The following FOXP2 variants were observed in gnomAD, a reference collection of about 807,000 sequenced individuals.
The protein encoded by FOXP2 is forkhead box protein P2.
Under a neutral mutation model 115.8 loss-of-function variants are expected in FOXP2, and 12 were observed. The ratio of observed to expected loss-of-function variants is 0.10; its 90% CI spans 0.07 to 0.17. The LOEUF is 0.17. Ranked by LOEUF, FOXP2 falls within the 10% of genes least tolerant of loss-of-function variation. The probability of loss-of-function intolerance (pLI) is 1.00; values close to 1 mark genes in which losing one functional copy is unlikely to be tolerated. For synonymous variants in FOXP2, 328 were observed against 297.7 expected (o/e 1.10, Z -1.05); for missense variants, 629 against 843.5 (o/e 0.75, Z 3.15).
chr7:114,641,560 T>G lies in FOXP2; in HGVS notation c.776-850T>G, dbSNP rs191815085. On this transcript the variant is annotated intron_variant, in intron 6 of 16. Transcript: ENST00000350908. ...ATTTAGTTCATCCCTCTGAGAAATATCAAAATGAACAGATAATTGTCAAAT... is the reference window on the plus strand; with the variant it reads ...ATTTAGTTCATCCCTCTGAGAAATAGCAAAATGAACAGATAATTGTCAAAT... Among the ~76,000 whole-genome samples the G allele has an allele frequency of 2.0e-3, 301 of 152,188 alleles. 4 individuals are homozygous for G. The highest frequency in any genetic ancestry group is 6.8e-3 in the African/African-American group (283 of 41,574).
chr7:114,292,108 C>T lies in FOXP2; in HGVS notation c.-11+3999C>T, dbSNP rs1025160484. ...TATGTATGTATTTTAAAATAATCAT[C>T]AGAGTGACAATACACAACCTTTGCC... On this transcript the variant is annotated intron_variant, in intron 2 of 17. Coordinates refer to the FOXP2 transcript ENST00000634411. 1.8e-4 allele frequency among the ~76,000 whole-genome samples: 27 copies of T among 150,328 alleles called. 1 individual carries two copies. Among genetic ancestry groups the T allele is most frequent in the African/African-American group, 6.6e-4 (27 of 40,894 alleles).
chr7:114,143,271 T>C (rs1465971826), intron 1 of FOXP2, among the ~76,000 whole-genome samples: 3 of 151,940 alleles, frequency 2.0e-5, no homozygotes, highest in Non-Finnish European at 4.4e-5. Context: ...CATTTTGAAA[T>C]ATACATTTTA....
At chr7:114,544,782 A>G (rs953376039) in intron 3 of FOXP2, among the ~76,000 whole-genome samples, 5 of 152,228 alleles carry the variant, frequency 3.3e-5, no homozygotes, top group African/African-American at 7.2e-5. Context: ...CCAGCATTTA[A>G]AACATATTAA....
At chr7:114,299,054 A>G (rs558838043) in intron 2 of FOXP2, among the ~76,000 whole-genome samples, 10 of 152,304 alleles carry the variant, frequency 6.6e-5, no homozygotes, top group Non-Finnish European at 1.2e-4. Flanking sequence ...ATGCATTCTG[A>G]AACTTTATTT....
intron 1 of FOXP2, among the ~76,000 whole-genome samples, chr7:114,194,567 A>G (rs1490581933): frequency 6.6e-6 from 1 of 152,066 alleles, no homozygotes; most frequent in East Asian, 1.9e-4. Flanking sequence ...CTACATGAAA[A>G]CAACAACATT....
At chr7:114,564,516 C>T (rs1340197989) in intron 3 of FOXP2, among the ~76,000 whole-genome samples, 5 of 152,118 alleles carry the variant, frequency 3.3e-5, no homozygotes, top group Non-Finnish European at 7.4e-5. Flanking sequence ...GTATTGTTAA[C>T]AGTATCTGTG....
intron 16 of FOXP2, chr7:114,667,559 A>T (rs2129344144): frequency 6.6e-6 from 1 of 152,286 alleles, no homozygotes; most frequent in South Asian, 2.1e-4. Flanking sequence ...ATAGAACAAC[A>T]CCAACCCAGA....
chr7:114,613,029 ATAACT>A (rs1803716909), intron 3 of FOXP2, among the ~76,000 whole-genome samples: 1 of 152,210 alleles, frequency 6.6e-6, no homozygotes, highest in Non-Finnish European at 1.5e-5. Flanking sequence ...ATGTTTTATA[ATAACT>A]TAAATCTGGT....
At chr7:114,514,879 C>T (rs1305853524) in intron 2 of FOXP2, among the ~76,000 whole-genome samples, 1 of 150,558 alleles carries the variant, frequency 6.6e-6, no homozygotes, top group Non-Finnish European at 1.5e-5. Flanking sequence ...CCCCCCACCC[C>T]ACAACAGTCC....
intron 2 of FOXP2, among the ~76,000 whole-genome samples, chr7:114,495,464 G>GT (rs1474765922): frequency 6.2e-5 from 3 of 48,732 alleles, no homozygotes; most frequent in Non-Finnish European, 1.4e-4. Flanking sequence ...TTTTTTCTTT[G>GT]TTTTTTCTTT....
intron 3 of FOXP2, among the ~76,000 whole-genome samples, chr7:114,539,738 G>A (rs1799565556): frequency 6.6e-6 from 1 of 151,966 alleles, no homozygotes; most frequent in Non-Finnish European, 1.5e-5. Context: ...TCCATGACCA[G>A]CTGCTCAAGG....
intron 2 of FOXP2, among the ~76,000 whole-genome samples, chr7:114,374,616 G>A (rs766654492): frequency 6.6e-6 from 1 of 152,118 alleles, no homozygotes; most frequent in Admixed American, 6.5e-5. Flanking sequence ...AGGAATTCCC[G>A]TGGCCATCTC....
intron 3 of FOXP2, among the ~76,000 whole-genome samples, chr7:114,583,126 C>G (rs1801952386): frequency 6.6e-6 from 1 of 152,096 alleles, no homozygotes; most frequent in Non-Finnish European, 1.5e-5. Context: ...ACCTGTAATC[C>G]CAGCACTTTG....
intron 2 of FOXP2, among the ~76,000 whole-genome samples, chr7:114,355,052 T>A (rs1791586265): frequency 6.6e-6 from 1 of 152,182 alleles, no homozygotes; most frequent in African/African-American, 2.4e-5. Flanking sequence ...ATATTCTAAC[T>A]TTTGTTCTGT....
chr7:114,359,734 T>A (rs954754842), intron 2 of FOXP2, among the ~76,000 whole-genome samples: 2 of 152,198 alleles, frequency 1.3e-5, no homozygotes, highest in Non-Finnish European at 2.9e-5. Context: ...AGCCCTTTTG[T>A]TTTGACCAAT....
chr7:114,678,014 G>A (rs1807868366), intron 16 of FOXP2, among the ~76,000 whole-genome samples: 1 of 152,208 alleles, frequency 6.6e-6, no homozygotes, highest in Admixed American at 6.5e-5. Flanking sequence ...AAGGAATGAA[G>A]AGAGTTGCAA....
chr7:114,688,238 CACACACACA>C (rs1286641650), intron 16 of FOXP2, among the ~76,000 whole-genome samples: 1 of 78,226 alleles, frequency 1.3e-5, no homozygotes, highest in African/African-American at 3.0e-5. Context: ...CACACACACA[CACACACACA>C]TCTTTTTTTT....
chr7:114,154,930 A>G (rs1293174976), intron 1 of FOXP2, among the ~76,000 whole-genome samples: 5 of 152,122 alleles, frequency 3.3e-5, no homozygotes. Context: ...CTTCCCAGTT[A>G]GAAGATCCTT....
At chr7:114,631,857 T>C in intron 6 of FOXP2, 152 bp downstream of exon 6, 1 of 783,940 alleles carries the variant, frequency 1.3e-6, no homozygotes, top group Non-Finnish European at 2.1e-6. Flanking sequence ...ATGACCTATT[T>C]TCTAGAGGCT....
Sources: gnomAD v4.1 joint callset for allele counts (sites outside exome capture counted in the v4.1 genomes callset) on GRCh38, gnomAD v4.1.1 for gene constraint, MANE v1.5 for transcripts, NCBI Gene and HGNC (gene_info 2026-07-23, HGNC 2026-07-21) for gene names.